Variants in COPS3 observed in about 807,000 individuals in gnomAD.
The protein encoded by COPS3 is COP9 signalosome complex subunit 3.
In COPS3, 10 loss-of-function variants were observed where a neutral mutation model predicts 58.2. That is an observed-to-expected ratio of 0.17 (90% CI 0.11 to 0.29). The LOEUF (loss-of-function observed/expected upper bound fraction) is 0.29. COPS3 is among the 10% of genes least tolerant of loss of function. The pLI is 1.00. For missense variants in COPS3, 333 were observed against 510.1 expected (o/e 0.65, Z 3.34); for synonymous variants, 187 against 181.7 (o/e 1.03, Z -0.24).
intron 8 of COPS3, among the ~76,000 whole-genome samples, chr17:17,256,216 G>A (rs2047972733): frequency 6.6e-6 from 1 of 151,592 alleles, no homozygotes; most frequent in East Asian, 1.9e-4. Context: ...TGAACCCAGT[G>A]GTTTGTCAAT....
intron 4 of COPS3, 30 bp from the exon 5 acceptor site, chr17:17,268,007 G>A (rs1597689881): frequency 6.2e-7 from 1 of 1,610,858 alleles, no homozygotes; most frequent in South Asian, 1.1e-5. Context: ...TTTCAGATAA[G>A]TTCTCAAAGA....
At chr17:17,247,453 T>G in intron 11 of COPS3, 27 bp downstream of exon 11, 2 of 1,607,486 alleles carry the variant, frequency 1.2e-6, no homozygotes, top group Non-Finnish European at 1.7e-6. Flanking sequence ...CCCAGCCTAC[T>G]TCTTGTAATA....
At chr17:17,257,718 A>G (rs1193861340) in intron 8 of COPS3, among the ~76,000 whole-genome samples, 3 of 149,392 alleles carry the variant, frequency 2.0e-5, no homozygotes, top group Admixed American at 6.8e-5. Flanking sequence ...AATGGCGTGA[A>G]CCCGGGAGGT....
chr17:17,280,209 G>A (rs1046275016), intron 1 of COPS3, among the ~76,000 whole-genome samples: 5 of 152,176 alleles, frequency 3.3e-5, no homozygotes, highest in Non-Finnish European at 7.3e-5. Flanking sequence ...ATCAAGGTTC[G>A]AGACCAGCCA....
intron 5 of COPS3, among the ~76,000 whole-genome samples, chr17:17,266,912 T>C (rs1241690902): frequency 1.3e-5 from 2 of 151,672 alleles, no homozygotes; most frequent in Admixed American, 6.6e-5. Flanking sequence ...TTCTCCATGT[T>C]GGTCAGGCTG....
At chr17:17,247,267 A>C in intron 11 of COPS3, 116 bp from the exon 12 acceptor site, 1 of 1,084,340 alleles carries the variant, frequency 9.2e-7, no homozygotes, top group Middle Eastern at 2.0e-4. Context: ...CCTGTGAACA[A>C]GGGCAGGCAA....
At chr17:17,280,527 TC>T in intron 1 of COPS3, 1 of 1,242,864 alleles carries the variant, frequency 8.0e-7, no homozygotes. Context: ...GCCACTGCAC[TC>T]CAGCCTCGGC....
chr17:17,258,260 T>G (rs2048021363), intron 8 of COPS3, among the ~76,000 whole-genome samples: 1 of 152,154 alleles, frequency 6.6e-6, no homozygotes, highest in South Asian at 2.1e-4. Context: ...ACCCCAGCCC[T>G]GGAAAGACCA....
chr17:17,247,257 C>G, intron 11 of COPS3, 106 bp from the exon 12 acceptor site: 2 of 1,155,500 alleles, frequency 1.7e-6, no homozygotes, highest in Non-Finnish European at 2.6e-6. Flanking sequence ...AACAAAGCCC[C>G]CTGTGAACAA....
chr17:17,277,186 T>C (rs2048477902), intron 1 of COPS3, among the ~76,000 whole-genome samples: 2 of 152,196 alleles, frequency 1.3e-5, no homozygotes, highest in Non-Finnish European at 2.9e-5. Context: ...AATCAACTTG[T>C]GGCGTCTCTA....
intron 8 of COPS3, among the ~76,000 whole-genome samples, chr17:17,255,323 AAAG>A (rs1266718634): frequency 7.1e-6 from 1 of 140,572 alleles, no homozygotes; most frequent in African/African-American, 2.6e-5. Context: ...AAAAACAAAA[AAAG>A]AATTAGCCAG....
chr17:17,280,689 G>A, intron 1 of COPS3: 2 of 1,284,534 alleles, frequency 1.6e-6, no homozygotes, highest in Non-Finnish European at 2.0e-6. Flanking sequence ...AAGACACCCA[G>A]AACGGACTCG....
At chr17:17,251,139 C>T (rs1336879436) in intron 9 of COPS3, among the ~76,000 whole-genome samples, 4 of 152,060 alleles carry the variant, frequency 2.6e-5, no homozygotes, top group Non-Finnish European at 4.4e-5. Flanking sequence ...GGACTACAGG[C>T]ATCTGCCACC....
At chr17:17,255,794 C>T (rs116689758) in intron 8 of COPS3, among the ~76,000 whole-genome samples, 4,333 of 150,484 alleles carry the variant, frequency 0.029, 208 homozygotes, top group African/African-American at 0.099. Flanking sequence ...AAGCCGAGAT[C>T]GCGTGATTCA....
Position 17,264,911 on chromosome 17 carries a change from T to C in COPS3, c.512A>G (p.Lys171Arg). 1 of 1,613,962 alleles carries C rather than the reference T, an allele frequency of 6.2e-7. No individual in the cohort carries two copies. Among genetic ancestry groups the C allele is most frequent in the Non-Finnish European group, 8.5e-7 (1 of 1,179,932 alleles). The change falls in exon 6 of 12, where the codon AAA becomes AGA. Residue 171 changes from lysine (K) to arginine (R), a missense_variant. By Grantham distance (26) the Lys-to-Arg change is conservative. Transcript: ENST00000268717. ...YLDVDMMDIC[K>R]ENGAYDAKHF... ...TTTTGCATCATAGGCTCCATTCTCTTTACAGATATCCATCATATCCACGTC... is the reference window on the plus strand; with the variant it reads ...TTTTGCATCATAGGCTCCATTCTCTCTACAGATATCCATCATATCCACGTC...
intron 1 of COPS3, chr17:17,280,817 A>G (rs1393123686): frequency 6.4e-6 from 8 of 1,250,714 alleles, no homozygotes; most frequent in Non-Finnish European, 7.3e-6. Context: ...GTCGCCCGAG[A>G]TGGCTCCTGG....
chr17:17,257,105 T>C (rs1407540706), intron 8 of COPS3, among the ~76,000 whole-genome samples: 1 of 152,188 alleles, frequency 6.6e-6, no homozygotes, highest in Non-Finnish European at 1.5e-5. Context: ...GGCTCACACC[T>C]GTCATCTTAG....
At chr17:17,275,879 T>C (rs559860218) in intron 2 of COPS3, among the ~76,000 whole-genome samples, 156 bp downstream of exon 2, 112 of 152,222 alleles carry the variant, frequency 7.4e-4, no homozygotes, top group Middle Eastern at 6.8e-3. Context: ...GAGGCGGAGC[T>C]TGCAGTGTGC....
At position 17,267,778 on chromosome 17, in the gene COPS3, A is replaced by C. The variant is rs902323898; in HGVS notation, c.441+107T>G. Reference sequence around the variant, plus strand: ...CTACATATTCCAACTTCTATAACACATCACAATATCGCCAACTTGCCTGTG... The same window carrying C: ...CTACATATTCCAACTTCTATAACACCTCACAATATCGCCAACTTGCCTGTG... On this transcript the variant is annotated intron_variant, in intron 5 of 11. Coordinates refer to ENST00000268717, the MANE Select transcript of COPS3 (RefSeq NM_003653.4). The C allele has an allele frequency of 2.8e-5, 32 of 1,136,040 alleles. No homozygotes were observed. The African/African-American group carries it at 4.9e-4, about 17-fold the overall frequency. 70.4% of individuals were successfully genotyped at this position (1,136,040 alleles called of 1,614,324 possible).
Sources: allele counts gnomAD v4.1 joint callset (sites outside exome capture counted in the v4.1 genomes callset), GRCh38; gene constraint gnomAD v4.1.1; transcripts MANE v1.5; gene names NCBI Gene and HGNC (gene_info 2026-07-23, HGNC 2026-07-21).